Variants in PSMA3 observed in about 807,000 individuals in gnomAD.
PSMA3 encodes the protein proteasome 20S subunit alpha 3, also known as proteasome subunit alpha type-3.
A neutral mutation model predicts 40.0 loss-of-function variants in PSMA3; 8 were observed. The observed-to-expected ratio is 0.20, with a 90% confidence interval of 0.12 to 0.36. The LOEUF (loss-of-function observed/expected upper bound fraction) is 0.36. Among genes scored for constraint, PSMA3 ranks in the 10% least tolerant of loss-of-function variants. PSMA3 has a pLI of 1.00. For synonymous variants in PSMA3, 110 were observed against 100.0 expected, an observed-to-expected ratio of 1.10 and a Z score of -0.59; for missense variants, 219 against 310.6, an observed-to-expected ratio of 0.70 and a Z score of 2.22.
rs762901997 is a variant in PSMA3, at chr14:58,263,731, A to C, written c.504A>C (p.Lys168Asn). 4.3e-6 allele frequency: 7 copies of C among 1,613,888 alleles called. No individual in the cohort carries two copies. Among genetic ancestry groups the C allele is most frequent in the Non-Finnish European group, 5.9e-6 (7 of 1,179,926 alleles). ...SYGYWGCAIG[K>N]ARQAAKTEIE... is the part of the protein sequence containing the mutation. Reference sequence around the variant, plus strand: ...GTTATTGGGGCTGTGCCATCGGCAAAGCCAGGCAAGCTGCAAAGACGGAAA... The same window carrying C: ...GTTATTGGGGCTGTGCCATCGGCAACGCCAGGCAAGCTGCAAAGACGGAAA... Residue 168 changes from lysine to asparagine, a missense_variant, in exon 7 of 11, where the codon AAA becomes AAC. Physicochemically the swap from Lys to Asn is moderately conservative, Grantham distance 94 (BLOSUM62 0). Transcript: ENST00000216455.
intron 5 of PSMA3, 111 bp downstream of exon 5, chr14:58,258,109 T>C: frequency 1.2e-6 from 1 of 803,332 alleles, no homozygotes; most frequent in Non-Finnish European, 2.1e-6. Context: ...CGTCGATAAG[T>C]ATTAGGGCAA....
chr14:58,249,400 G>A (rs77129328), intron 2 of PSMA3, among the ~76,000 whole-genome samples: 36 of 152,168 alleles, frequency 2.4e-4, no homozygotes, highest in African/African-American at 8.4e-4. Flanking sequence ...ATGTTGCCTC[G>A]GCTGGTCTTG....
Position 58,272,002 on chromosome 14 carries a change from T to C in PSMA3, c.*107T>C, listed in dbSNP as rs1178215082. The C allele has an allele frequency of 1.2e-6, 1 of 841,492 alleles. No homozygotes were observed. Among genetic ancestry groups the C allele is most frequent in the Non-Finnish European group, 1.9e-6 (1 of 531,578 alleles). 52.1% of individuals were successfully genotyped at this position (841,492 alleles called of 1,614,324 possible). ...CAATTTTCATTAAATTTTTGTCTTATAACTATTGAAGTTTGGTTAATATCT... is the reference window on the plus strand; with the variant it reads ...CAATTTTCATTAAATTTTTGTCTTACAACTATTGAAGTTTGGTTAATATCT... On this transcript the variant is annotated 3_prime_UTR_variant, in exon 11 of 11. Transcript: ENST00000216455.
intron 1 of PSMA3, chr14:58,245,289 A>T (rs952948529): frequency 7.5e-6 from 2 of 265,958 alleles, no homozygotes; most frequent in Non-Finnish European, 1.5e-5. Flanking sequence ...CTTGAGAACC[A>T]CCGAGGCAGT....
chr14:58,271,188 A>G (rs1387901379), intron 10 of PSMA3, among the ~76,000 whole-genome samples, 190 bp downstream of exon 10: 1 of 151,706 alleles, frequency 6.6e-6, no homozygotes, highest in Non-Finnish European at 1.5e-5. Context: ...AATAACACTG[A>G]GAGTTCAGTT....
At chr14:58,253,404 A>G (rs1405097636) in intron 3 of PSMA3, among the ~76,000 whole-genome samples, 1 of 152,200 alleles carries the variant, frequency 6.6e-6, no homozygotes, top group Non-Finnish European at 1.5e-5. Context: ...GACACCTTAT[A>G]TGACCCACAT....
chr14:58,246,275 C>A (rs1235025027), intron 1 of PSMA3, among the ~76,000 whole-genome samples: 1 of 152,196 alleles, frequency 6.6e-6, no homozygotes, highest in Non-Finnish European at 1.5e-5. Flanking sequence ...TTTCTCCTCA[C>A]CTTGCCATTT....
At chr14:58,257,039 T>C (rs539126119) in intron 3 of PSMA3, among the ~76,000 whole-genome samples, 1 of 142,014 alleles carries the variant, frequency 7.0e-6, no homozygotes, top group South Asian at 2.3e-4. Context: ...GAGGCAAAGG[T>C]TGAAGTGAGC....
chr14:58,264,417 A>G (rs768909479), intron 7 of PSMA3, among the ~76,000 whole-genome samples: 1 of 152,192 alleles, frequency 6.6e-6, no homozygotes. Flanking sequence ...AGTGTGAAAA[A>G]GTTTTCTTAA....
chr14:58,245,187 G>A (rs2140075331), intron 1 of PSMA3: 3 of 537,660 alleles, frequency 5.6e-6, no homozygotes, highest in South Asian at 4.8e-5. Context: ...CCGCAGTGAG[G>A]TTTGGAGCCG....
chr14:58,266,799 A>G (rs959069525), intron 7 of PSMA3: 1 of 152,118 alleles, frequency 6.6e-6, no homozygotes, highest in Non-Finnish European at 1.5e-5. Flanking sequence ...ATCTTTCTGT[A>G]TCTTGCATAT....
rs1555352268 is a variant in PSMA3, at chr14:58,254,340, A to ATATGCATGTATG, written c.228+2102_228+2103insCATGTATGTATG. On this transcript the variant is annotated intron_variant, in intron 3 of 10. Transcript: ENST00000216455. ...TGAAAAAAATTATGCATGCATATATATATGTATGTACACACACACAGAGGT... is the reference window on the plus strand; with the variant it reads ...TGAAAAAAATTATGCATGCATATATATATGCATGTATGTATGTATGTACACACACACAGAGGT... 1.2e-4 allele frequency among the ~76,000 whole-genome samples: 4 copies of ATATGCATGTATG among 34,780 alleles called. 1 individual carries two copies. Among genetic ancestry groups the ATATGCATGTATG allele is most frequent in the Non-Finnish European group, 2.4e-4 (4 of 16,756 alleles). 22.8% of individuals were successfully genotyped at this position (34,780 alleles called of 152,430 possible).
intron 7 of PSMA3, chr14:58,266,596 G>A (rs547220847): frequency 1.3e-5 from 2 of 152,300 alleles, no homozygotes; most frequent in African/African-American, 4.8e-5. Flanking sequence ...TTGAAAGAAT[G>A]CTTAATTCTA....
chr14:58,246,012 A>G (rs1266109506), intron 1 of PSMA3, among the ~76,000 whole-genome samples: 1 of 152,238 alleles, frequency 6.6e-6, no homozygotes, highest in Non-Finnish European at 1.5e-5. Flanking sequence ...ATAGTATTTC[A>G]TTCTACAAAC....
chr14:58,270,294 T>C (rs1778787737), intron 8 of PSMA3, 124 bp from the exon 9 acceptor site: 5 of 1,337,974 alleles, frequency 3.7e-6, no homozygotes, highest in Non-Finnish European at 5.1e-6. Flanking sequence ...GTAGAATGTG[T>C]CTGTGTAATT....
In PSMA3 at chr14:58,247,818, T is replaced by C; in HGVS notation, c.90T>C (p.Ala30=). 1 of 1,597,324 alleles carries C rather than the reference T, an allele frequency of 6.3e-7. No homozygotes were observed. The highest frequency in any genetic ancestry group is 8.6e-7 in the Non-Finnish European group (1 of 1,166,366). Residue 30 remains alanine, a synonymous_variant, in exon 2 of 11, where the codon GCT becomes GCC. Transcript: ENST00000216455. ...RVFQVEYAMK[A]VENSSTAIGI... ...TTCAAGTTGAATATGCTATGAAGGC[T>C]GTGGAAAATAGTAGGTAAGAAACAT...
At chr14:58,267,752 T>C (rs1890490619) in intron 8 of PSMA3, 1 of 733,524 alleles carries the variant, frequency 1.4e-6, no homozygotes, top group South Asian at 4.1e-5. Flanking sequence ...TAAACTCCTG[T>C]TACAGGTTAA....
chr14:58,249,515 C>CT (rs145899290), intron 2 of PSMA3, among the ~76,000 whole-genome samples: 2,867 of 151,642 alleles, frequency 0.019, 102 homozygotes, highest in African/African-American at 0.066. Context: ...TTAAAAAAAA[C>CT]TTTTTTTGGG....
intron 5 of PSMA3, among the ~76,000 whole-genome samples, chr14:58,258,733 T>C (rs1032226022): frequency 1.3e-5 from 2 of 151,310 alleles, no homozygotes; most frequent in African/African-American, 4.9e-5. Context: ...CAGAGAAGAC[T>C]TGTGACTAGA....
Sources: gnomAD v4.1 joint callset for allele counts (sites outside exome capture counted in the v4.1 genomes callset) on GRCh38, gnomAD v4.1.1 for gene constraint, MANE v1.5 for transcripts, NCBI Gene and HGNC (gene_info 2026-07-23, HGNC 2026-07-21) for gene names.